OR2D3: variants seen among roughly 807,000 people sequenced by gnomAD.
OR2D3 encodes the protein olfactory receptor 2D3.
For synonymous variants in OR2D3, 154 were observed against 145.8 expected (o/e 1.06, Z -0.40); for missense variants, 409 against 388.8 (o/e 1.05, Z -0.44).
chr11:6,921,768 C>T lies in OR2D3; in HGVS notation c.767C>T (p.Thr256Ile). Residue 256 changes from threonine to isoleucine, a missense_variant, in exon 1 of 1, where the codon ACC (threonine) becomes ATC (isoleucine). Thr to Ile is a moderately conservative substitution (Grantham distance 89). Transcript: ENST00000317834. ...GAAGGGAGACTCAAGGCTTTTTCCACCTGTGGCTCCCATCTTATTGTTGTT... is the reference window on the plus strand; with the variant it reads ...GAAGGGAGACTCAAGGCTTTTTCCATCTGTGGCTCCCATCTTATTGTTGTT... The part of the protein sequence containing the change: ...SGEGRLKAFS[T>I]CGSHLIVVVL... The T allele has an allele frequency of 6.5e-7, 1 of 1,538,270 alleles. No homozygotes were observed.
At position 6,921,922 on chromosome 11, in the gene OR2D3, C is replaced by T. The variant is rs770919111; in HGVS notation, c.921C>T (p.Ser307=). The T allele has an allele frequency of 1.2e-6, 2 of 1,614,122 alleles. No individual in the cohort carries two copies. Among genetic ancestry groups the T allele is most frequent in the Admixed American group, 1.7e-5 (1 of 60,022 alleles). Residue 307 remains serine (S), a synonymous_variant, in exon 1 of 1, where the codon AGC becomes AGT. Transcript: ENST00000317834. ...VTPMLNPIIY[S]LRNKDVKGAL... ...CAATGTTGAACCCCATAATTTATAG[C>T]TTGAGGAACAAAGATGTCAAAGGGG...
chr11:6,921,387 C>A lies in OR2D3; in HGVS notation c.386C>A (p.Ala129Glu), dbSNP rs146554664. The change falls in exon 1 of 1, where the codon GCG (alanine) becomes GAG (glutamate). Residue 129 changes from alanine to glutamate, a missense_variant. Ala to Glu is a moderately radical substitution (Grantham distance 107). Transcript: ENST00000317834. ...CTTCTGGTTGGGTGTACAGAGTGTG[C>A]GCTGCTGGCAGTGATGTCCTATGAC... is the stretch of plus-strand genomic sequence containing the variant. The part of the protein sequence containing the change: ...VFLLVGCTEC[A>E]LLAVMSYDRY... 1.2e-6 allele frequency: 2 copies of A among 1,613,826 alleles called. No homozygotes were observed. The highest frequency in any genetic ancestry group is 8.5e-7 in the Non-Finnish European group (1 of 1,179,888).
In OR2D3 at chr11:6,921,388, G is replaced by A. The variant is rs75500269; in HGVS notation, c.387G>A (p.Ala129=). 30,089 of 1,613,850 alleles carry A rather than the reference G, an allele frequency of 0.019. 322 individuals carry two copies. Among genetic ancestry groups the A allele is most frequent in the Middle Eastern group, 0.022 (131 of 6,060 alleles). Residue 129 remains alanine, a synonymous_variant, in exon 1 of 1, where the codon GCG becomes GCA. Coordinates refer to ENST00000317834, the MANE Select transcript of OR2D3 (RefSeq NM_001004684.1). ...VFLLVGCTEC[A]LLAVMSYDRY... ...TTCTGGTTGGGTGTACAGAGTGTGCGCTGCTGGCAGTGATGTCCTATGACC... is the reference window on the plus strand; with the variant it reads ...TTCTGGTTGGGTGTACAGAGTGTGCACTGCTGGCAGTGATGTCCTATGACC...
At position 6,921,831 on chromosome 11, in the gene OR2D3, G is replaced by A. The variant is rs140000661; in HGVS notation, c.830G>A (p.Arg277Gln). Residue 277 changes from arginine (R) to glutamine (Q), a missense_variant, in exon 1 of 1, where the codon CGA (arginine) becomes CAA (glutamine). Arg to Gln is a conservative substitution (Grantham distance 43). Coordinates refer to ENST00000317834, the MANE Select transcript of OR2D3 (RefSeq NM_001004684.1). ...FYGSGIFTYM[R>Q]PNSKTTKELD... is the part of the protein sequence containing the mutation. ...GGGTCAGGAATATTCACCTACATGCGACCAAACTCCAAGACTACAAAAGAA... is the reference window on the plus strand; with the variant it reads ...GGGTCAGGAATATTCACCTACATGCAACCAAACTCCAAGACTACAAAAGAA... 80 of 1,598,882 alleles carry A rather than the reference G, an allele frequency of 5.0e-5. No homozygotes were observed. In the African/African-American group the frequency reaches 9.6e-4, roughly 19 times the overall value.
At position 6,921,469 on chromosome 11, in the gene OR2D3, G is replaced by A. The variant is rs771999084; in HGVS notation, c.468G>A (p.Val156=). The part of the protein sequence containing the change: ...LYYSTIMTQR[V]CLWLSFRSWA... Reference sequence around the variant, plus strand: ...ACTCTACCATCATGACACAACGGGTGTGTCTCTGGCTGTCCTTCAGGTCCT... The same window carrying A: ...ACTCTACCATCATGACACAACGGGTATGTCTCTGGCTGTCCTTCAGGTCCT... The change falls in exon 1 of 1, where the codon GTG becomes GTA. Residue 156 remains valine, a synonymous_variant. Transcript: ENST00000317834. 4 of 1,613,384 alleles carry A rather than the reference G, an allele frequency of 2.5e-6. No homozygotes were observed. Among genetic ancestry groups the A allele is most frequent in the Admixed American group, 1.7e-5 (1 of 59,960 alleles).
Position 6,921,590 on chromosome 11 carries a change from C to A in OR2D3, c.589C>A (p.Pro197Thr). The A allele has an allele frequency of 1.2e-6, 2 of 1,612,120 alleles. No individual in the cohort carries two copies. The highest frequency in any genetic ancestry group is 1.7e-6 in the Non-Finnish European group (2 of 1,178,958). The change falls in exon 1 of 1, where the codon CCT becomes ACT. Residue 197 changes from proline to threonine, a missense_variant. By Grantham distance (38) the Pro-to-Thr change is conservative (BLOSUM62 -1). Transcript: ENST00000317834. ...QNIINHYFCE[P>T]PALLKLASID... is the part of the protein sequence containing the mutation. ...TATAATCAATCACTACTTTTGTGAA[C>A]CTCCTGCCCTCCTGAAGCTGGCTTC...
At position 6,921,331 on chromosome 11, in the gene OR2D3, T is replaced by C; in HGVS notation, c.330T>C (p.Phe110=). The change falls in exon 1 of 1, where the codon TTT becomes TTC. Residue 110 remains phenylalanine, a synonymous_variant. Transcript: ENST00000317834. ...TGGTAAAGAGGAAAACCATTTCTTT[T>C]TATGGGTGTATGACACAGATAATTG... ...HFLVKRKTIS[F]YGCMTQIIVF... is the part of the protein sequence containing the mutation. 1 of 1,614,068 alleles carries C rather than the reference T, an allele frequency of 6.2e-7. No homozygotes were observed. The highest frequency in any genetic ancestry group is 8.5e-7 in the Non-Finnish European group (1 of 1,180,042).
chr11:6,921,470 T>C lies in OR2D3; in HGVS notation c.469T>C (p.Cys157Arg). The C allele has an allele frequency of 1.2e-6, 2 of 1,613,478 alleles. No individual in the cohort carries two copies. Among genetic ancestry groups the C allele is most frequent in the Non-Finnish European group, 1.7e-6 (2 of 1,179,680 alleles). ...CTCTACCATCATGACACAACGGGTG[T>C]GTCTCTGGCTGTCCTTCAGGTCCTG... is the stretch of plus-strand genomic sequence containing the variant. ...YYSTIMTQRV[C>R]LWLSFRSWAS... Residue 157 changes from cysteine to arginine, a missense_variant, in exon 1 of 1, where the codon TGT (cysteine) becomes CGT (arginine). Coordinates refer to ENST00000317834, the MANE Select transcript of OR2D3 (RefSeq NM_001004684.1).
Position 6,921,336 on chromosome 11 carries a change from G to T in OR2D3, c.335G>T (p.Gly112Val), listed in dbSNP as rs917434891. 16 of 1,613,774 alleles carry T rather than the reference G, an allele frequency of 9.9e-6. No homozygotes were observed. Among genetic ancestry groups the T allele is most frequent in the Non-Finnish European group, 1.4e-5 (16 of 1,179,976 alleles). Residue 112 changes from glycine (G) to valine (V), a missense_variant, in exon 1 of 1, where the codon GGG (glycine) becomes GTG (valine). Gly to Val is a moderately radical substitution (Grantham distance 109). Coordinates refer to ENST00000317834, the MANE Select transcript of OR2D3 (RefSeq NM_001004684.1). Reference protein sequence around the residue: ...LVKRKTISFYGCMTQIIVFLL... With the variant: ...LVKRKTISFYVCMTQIIVFLL... ...AAGAGGAAAACCATTTCTTTTTATG[G>T]GTGTATGACACAGATAATTGTCTTT...
Position 6,921,679 on chromosome 11 carries a change from T to G in OR2D3, c.678T>G (p.Pro226=). The G allele has an allele frequency of 6.4e-7, 1 of 1,557,224 alleles. No individual in the cohort carries two copies. The highest frequency in any genetic ancestry group is 8.7e-7 in the Non-Finnish European group (1 of 1,155,136). Residue 226 remains proline (P), a synonymous_variant, in exon 1 of 1, where the codon CCT becomes CCG. Coordinates refer to ENST00000317834, the MANE Select transcript of OR2D3 (RefSeq NM_001004684.1). ...TGGGCGTGGTAATCCTCCTGGCCCC[T>G]GTCTCCCTGATTCTTGGTTCTTATT... is the stretch of plus-strand genomic sequence containing the variant. ...FSMGVVILLA[P]VSLILGSYWN...
At position 6,921,466 on chromosome 11, in the gene OR2D3, G is replaced by A; in HGVS notation, c.465G>A (p.Arg155=). The stretch of plus-strand genomic sequence containing the variant: ...ACTACTCTACCATCATGACACAACG[G>A]GTGTGTCTCTGGCTGTCCTTCAGGT... ...PLYYSTIMTQ[R]VCLWLSFRSW... is the part of the protein sequence containing the mutation. The change falls in exon 1 of 1, where the codon CGG becomes CGA. Residue 155 remains arginine (R), a synonymous_variant. Coordinates refer to ENST00000317834, the MANE Select transcript of OR2D3 (RefSeq NM_001004684.1). The A allele has an allele frequency of 6.2e-7, 1 of 1,613,326 alleles. No homozygotes were observed. Among genetic ancestry groups the A allele is most frequent in the Non-Finnish European group, 8.5e-7 (1 of 1,179,642 alleles).
chr11:6,921,608 C>G lies in OR2D3; in HGVS notation c.607C>G (p.Leu203Val). The change falls in exon 1 of 1, where the codon CTG becomes GTG. Residue 203 changes from leucine to valine, a missense_variant. Coordinates refer to ENST00000317834, the MANE Select transcript of OR2D3 (RefSeq NM_001004684.1). ...YFCEPPALLK[L>V]ASIDTYSTEM... The stretch of plus-strand genomic sequence containing the variant: ...TTGTGAACCTCCTGCCCTCCTGAAG[C>G]TGGCTTCCATAGACACTTACAGCAC... 2 of 1,609,582 alleles carry G rather than the reference C, an allele frequency of 1.2e-6. No individual in the cohort carries two copies. The highest frequency in any genetic ancestry group is 1.7e-6 in the Non-Finnish European group (2 of 1,177,802).
Position 6,921,060 on chromosome 11 carries a change from A to C in OR2D3, c.59A>C (p.Glu20Ala). The C allele has an allele frequency of 6.2e-7, 1 of 1,605,366 alleles. No homozygotes were observed. The highest frequency in any genetic ancestry group is 8.5e-7 in the Non-Finnish European group (1 of 1,177,568). The part of the protein sequence containing the change: ...GKQAKISMGE[E>A]NQTFVSKFIF... Reference sequence around the variant, plus strand: ...CAGGCAAAAATATCAATGGGAGAAGAAAACCAAACCTTTGTGTCCAAGTTT... The same window carrying C: ...CAGGCAAAAATATCAATGGGAGAAGCAAACCAAACCTTTGTGTCCAAGTTT... Residue 20 changes from glutamate (E) to alanine (A), a missense_variant, in exon 1 of 1, where the codon GAA (glutamate) becomes GCA (alanine). Coordinates refer to ENST00000317834, the MANE Select transcript of OR2D3 (RefSeq NM_001004684.1).
chr11:6,921,716 T>TC lies in OR2D3; in HGVS notation c.717dup (p.Thr240HisfsTer49). ...TCTTGGTTCTTATTGGAATATTATC[T>TC]CCACTGTTATCCAGATGCAGTCTGG... On this transcript the variant is annotated frameshift_variant, in exon 1 of 1. Transcript: ENST00000317834. LOFTEE classifies it low-confidence loss of function (END_TRUNC). 6.5e-7 allele frequency: 1 copy of TC among 1,538,000 alleles called. No individual in the cohort carries two copies. The highest frequency in any genetic ancestry group is 1.4e-5 in the African/African-American group (1 of 72,306).
At position 6,921,082 on chromosome 11, in the gene OR2D3, G is replaced by A. The variant is rs747241190; in HGVS notation, c.81G>A (p.Lys27=). 1.1e-5 allele frequency: 18 copies of A among 1,612,946 alleles called. No homozygotes were observed. The African/African-American group carries it at 2.0e-4, about 18-fold the overall frequency. The part of the protein sequence containing the change: ...MGEENQTFVS[K]FIFLGLSQDL... ...AAGAAAACCAAACCTTTGTGTCCAAGTTTATCTTCCTGGGTCTTTCACAGG... is the reference window on the plus strand; with the variant it reads ...AAGAAAACCAAACCTTTGTGTCCAAATTTATCTTCCTGGGTCTTTCACAGG... The change falls in exon 1 of 1, where the codon AAG becomes AAA. Residue 27 remains lysine, a synonymous_variant. Coordinates refer to ENST00000317834, the MANE Select transcript of OR2D3 (RefSeq NM_001004684.1).
chr11:6,921,501 G>C lies in OR2D3; in HGVS notation c.500G>C (p.Ser167Thr). ...CLWLSFRSWA[S>T]GALVSLVDTS... is the part of the protein sequence containing the mutation. ...TGGCTGTCCTTCAGGTCCTGGGCCA[G>C]TGGGGCACTAGTGTCTTTAGTAGAT... is the stretch of plus-strand genomic sequence containing the variant. Residue 167 changes from serine (S) to threonine (T), a missense_variant, in exon 1 of 1, where the codon AGT becomes ACT. Transcript: ENST00000317834. 1.2e-6 allele frequency: 2 copies of C among 1,614,056 alleles called. No homozygotes were observed. The highest frequency in any genetic ancestry group is 1.1e-5 in the South Asian group (1 of 91,060).
At position 6,921,737 on chromosome 11, in the gene OR2D3, T is replaced by C. The variant is rs1291161990; in HGVS notation, c.736T>C (p.Ser246Pro). 6.5e-7 allele frequency: 1 copy of C among 1,535,870 alleles called. No individual in the cohort carries two copies. The highest frequency in any genetic ancestry group is 8.7e-7 in the Non-Finnish European group (1 of 1,145,482). ...NIISTVIQMQ[S>P]GEGRLKAFST... is the part of the protein sequence containing the mutation. ...TATCTCCACTGTTATCCAGATGCAG[T>C]CTGGGGAAGGGAGACTCAAGGCTTT... Residue 246 changes from serine (S) to proline (P), a missense_variant, in exon 1 of 1, where the codon TCT (serine) becomes CCT (proline). Transcript: ENST00000317834.
rs1282208990 is a variant in OR2D3, at chr11:6,921,157, G to C, written c.156G>C (p.Leu52=). Residue 52 remains leucine, a synonymous_variant, in exon 1 of 1, where the codon CTG becomes CTC. Coordinates refer to ENST00000317834, the MANE Select transcript of OR2D3 (RefSeq NM_001004684.1). ...TTATCCTTTTCCTCATCATTTATCT[G>C]CTGACCGTGCTTGGAAACCAGCTCA... The part of the protein sequence containing the change: ...LLFILFLIIY[L]LTVLGNQLII... 1 of 1,614,038 alleles carries C rather than the reference G, an allele frequency of 6.2e-7. No homozygotes were observed. Among genetic ancestry groups the C allele is most frequent in the Admixed American group, 1.7e-5 (1 of 60,016 alleles).
rs372449808 is a variant in OR2D3, at chr11:6,921,645, T to C, written c.644T>C (p.Ile215Thr). The C allele has an allele frequency of 1.4e-5, 23 of 1,587,996 alleles. No homozygotes were observed. In the African/African-American group the frequency reaches 3.0e-4, roughly 20 times the overall value. The stretch of plus-strand genomic sequence containing the variant: ...GACACTTACAGCACAGAAATGGCCA[T>C]CTTTTCAATGGGCGTGGTAATCCTC... ...SIDTYSTEMAIFSMGVVILLA... is the reference protein window; with the variant it reads ...SIDTYSTEMATFSMGVVILLA... The change falls in exon 1 of 1, where the codon ATC (isoleucine) becomes ACC (threonine). Residue 215 changes from isoleucine (I) to threonine (T), a missense_variant. Ile to Thr is a moderately conservative substitution (Grantham distance 89). Coordinates refer to ENST00000317834, the MANE Select transcript of OR2D3 (RefSeq NM_001004684.1).
Sources: allele counts gnomAD v4.1 joint callset, GRCh38; gene constraint gnomAD v4.1.1; transcripts MANE v1.5; gene names NCBI Gene and HGNC (gene_info 2026-07-23, HGNC 2026-07-21).